The following DPP10 variants were observed in gnomAD, a reference collection of about 807,000 sequenced individuals.
The protein encoded by DPP10 is dipeptidyl peptidase like 10.
Under a neutral mutation model 120.9 loss-of-function variants are expected in DPP10, and 33 were observed. The observed-to-expected ratio is 0.27, with a 90% CI of 0.21 to 0.37. DPP10 has a LOEUF of 0.37. Among genes scored for constraint, DPP10 ranks in the 10% least tolerant of loss-of-function variants. The pLI is 1.00. For synonymous variants in DPP10, 337 were observed against 326.1 expected, an observed-to-expected ratio of 1.03 and a Z score of -0.36; for missense variants, 816 against 942.8, an observed-to-expected ratio of 0.87 and a Z score of 1.76.
intron 1 of DPP10, among the ~76,000 whole-genome samples, chr2:115,154,606 T>C (rs1274708048): frequency 6.6e-6 from 1 of 151,974 alleles, no homozygotes; most frequent in Non-Finnish European, 1.5e-5. Flanking sequence ...AAATAAAAAA[T>C]ACAAGATTAT....
At chr2:115,727,784 A>AT (rs763471398) in intron 7 of DPP10, 32 bp from the exon 8 acceptor site, 14 of 1,565,362 alleles carry the variant, frequency 8.9e-6, no homozygotes, top group Admixed American at 6.1e-5. Context: ...AACGTGTTGG[A>AT]TTTTTTGTTT....
intron 21 of DPP10, among the ~76,000 whole-genome samples, chr2:115,834,068 A>G (rs1381175015): frequency 6.6e-6 from 1 of 152,208 alleles, no homozygotes; most frequent in Non-Finnish European, 1.5e-5. Flanking sequence ...TTATATCTAT[A>G]TAGGATAATT....
At chr2:114,764,539 TG>T (rs1198429852) in intron 1 of DPP10, among the ~76,000 whole-genome samples, 2 of 152,018 alleles carry the variant, frequency 1.3e-5, no homozygotes, top group Admixed American at 1.3e-4. Flanking sequence ...GTCAGTAAAA[TG>T]GAAGTACTGG....
chr2:114,748,343 T>C (rs868156592), intron 1 of DPP10, among the ~76,000 whole-genome samples: 2,530 of 114,686 alleles, frequency 0.022, 118 homozygotes, highest in African/African-American at 0.074. Flanking sequence ...ATTTTCTTTT[T>C]TTTTTTTATT....
intron 1 of DPP10, among the ~76,000 whole-genome samples, chr2:114,667,353 A>C (rs76978557): frequency 0.1 from 15,413 of 152,198 alleles, 1,064 homozygotes; most frequent in Admixed American, 0.21. Flanking sequence ...TAAGAAAAAT[A>C]TTACTTTGTT....
At chr2:114,735,417 T>A (rs755380908) in intron 1 of DPP10, among the ~76,000 whole-genome samples, 8 of 152,172 alleles carry the variant, frequency 5.3e-5, no homozygotes, top group Non-Finnish European at 1.0e-4. Context: ...AAGCAAGAGT[T>A]TCAAAGTTTC....
chr2:115,737,768 C>A (rs903350845), intron 8 of DPP10, among the ~76,000 whole-genome samples: 1 of 152,164 alleles, frequency 6.6e-6, no homozygotes, highest in African/African-American at 2.4e-5. Context: ...TTCAATTCCT[C>A]TTTACTTTTA....
chr2:115,455,110 T>C (rs2073420191), intron 3 of DPP10, among the ~76,000 whole-genome samples: 1 of 151,458 alleles, frequency 6.6e-6, no homozygotes, highest in Admixed American at 6.6e-5. Context: ...ATAAAAAAGA[T>C]TAAAAAATCT....
chr2:114,977,859 T>A (rs1699849999), intron 1 of DPP10, among the ~76,000 whole-genome samples: 1 of 152,126 alleles, frequency 6.6e-6, no homozygotes, highest in South Asian at 2.1e-4. Flanking sequence ...CTTTTTTTTT[T>A]TTGATTGCCA....
At chr2:115,374,740 T>C (rs775304555) in intron 3 of DPP10, among the ~76,000 whole-genome samples, 7 of 152,202 alleles carry the variant, frequency 4.6e-5, no homozygotes, top group Non-Finnish European at 8.8e-5. Context: ...CCCAACACCA[T>C]GTGGAAGCCA....
intron 1 of DPP10, among the ~76,000 whole-genome samples, chr2:114,598,121 AAAAGGGTGGCAGG>A (rs1692076243): frequency 6.6e-6 from 1 of 150,836 alleles, no homozygotes; most frequent in South Asian, 2.1e-4. Context: ...GCATAATATG[AAAAGGGTGGCAGG>A]AAAGCACATA....
chr2:114,476,562 G>A (rs902562182), intron 1 of DPP10, among the ~76,000 whole-genome samples: 1 of 152,130 alleles, frequency 6.6e-6, no homozygotes, highest in African/African-American at 2.4e-5. Flanking sequence ...TGAATTTCAT[G>A]TCTTTCTAGT....
At chr2:115,317,995 G>A (rs34777388) in intron 2 of DPP10, among the ~76,000 whole-genome samples, 4,141 of 151,950 alleles carry the variant, frequency 0.027, 74 homozygotes, top group South Asian at 0.061. Context: ...TGCTTCTGAT[G>A]TCTTATTTAA....
intron 1 of DPP10, among the ~76,000 whole-genome samples, chr2:115,245,321 T>C (rs1430594684): frequency 6.6e-6 from 1 of 151,884 alleles, no homozygotes; most frequent in African/African-American, 2.4e-5. Context: ...GCAAAGGACA[T>C]GAATAGACAA....
At chr2:114,598,173 TA>T (rs1692080217) in intron 1 of DPP10, among the ~76,000 whole-genome samples, 1 of 151,852 alleles carries the variant, frequency 6.6e-6, no homozygotes, top group East Asian at 1.9e-4. Flanking sequence ...ATAGAGGATA[TA>T]AAAAGGGGCA....
At chr2:115,130,705 G>A (rs951860397) in intron 1 of DPP10, among the ~76,000 whole-genome samples, 2 of 152,032 alleles carry the variant, frequency 1.3e-5, no homozygotes, top group East Asian at 1.9e-4. Context: ...ATCTCTCCCT[G>A]TCAATACAAC....
intron 1 of DPP10, among the ~76,000 whole-genome samples, chr2:115,238,876 C>G (rs932696046): frequency 6.6e-6 from 1 of 152,122 alleles, no homozygotes; most frequent in Non-Finnish European, 1.5e-5. Flanking sequence ...CATTAACTCA[C>G]ACGATCACAA....
chr2:114,891,623 C>T lies in DPP10; in HGVS notation c.61-417616C>T, dbSNP rs966398318. On this transcript the variant is annotated intron_variant, in intron 1 of 25. Transcript: ENST00000410059. ...TCATAATTGTGCCCATGCTTAAAGC[C>T]ATTGCCACCAGCAGTAACTTTATCA... 6.6e-5 allele frequency among the ~76,000 whole-genome samples: 10 copies of T among 152,138 alleles called. 1 individual carries two copies. The highest frequency in any genetic ancestry group is 6.6e-4 in the Admixed American group (10 of 15,262).
intron 1 of DPP10, among the ~76,000 whole-genome samples, chr2:114,462,754 C>T (rs1024722614): frequency 6.6e-6 from 1 of 152,178 alleles, no homozygotes; most frequent in African/African-American, 2.4e-5. Flanking sequence ...GCACCGCCTA[C>T]CCTTACGTGG....
Sources: allele counts gnomAD v4.1 joint callset (sites outside exome capture counted in the v4.1 genomes callset), GRCh38; gene constraint gnomAD v4.1.1; transcripts MANE v1.5; gene names NCBI Gene and HGNC (gene_info 2026-07-23, HGNC 2026-07-21).